The following MTA1 variants were observed in gnomAD, a reference collection of about 807,000 sequenced individuals.
The protein encoded by MTA1 is metastasis-associated protein MTA1.
MTA1 carries 15 observed loss-of-function variants against 97.0 expected under a neutral mutation model. That is an observed-to-expected ratio of 0.15 (90% CI 0.10 to 0.24). MTA1 has a LOEUF of 0.24. Ranked by LOEUF, MTA1 falls within the 10% of genes least tolerant of loss-of-function variation. MTA1 has a pLI of 1.00. For missense variants in MTA1, 709 were observed against 1,015.1 expected (o/e 0.70, Z 4.10); for synonymous variants, 435 against 417.5 (o/e 1.04, Z -0.51).
In MTA1 at chr14:105,458,265, T is replaced by C. The variant is rs1555430296; in HGVS notation, c.551-5T>C. 1.2e-6 allele frequency: 2 copies of C among 1,610,470 alleles called. No individual in the cohort carries two copies. The highest frequency in any genetic ancestry group is 1.7e-6 in the Non-Finnish European group (2 of 1,178,030). On this transcript the variant is annotated splice_polypyrimidine_tract_variant and splice_region_variant and intron_variant, in intron 7 of 20. Coordinates refer to ENST00000331320, the MANE Select transcript of MTA1 (RefSeq NM_004689.4). ...TCTCAGAAAGGCCACACTTCCTCCCTGTAGGCGAGGAGGATGGCCGAGACC... is the reference window on the plus strand; with the variant it reads ...TCTCAGAAAGGCCACACTTCCTCCCCGTAGGCGAGGAGGATGGCCGAGACC...
At chr14:105,454,563 G>T (rs2083070016) in intron 7 of MTA1, 2 of 411,672 alleles carry the variant, frequency 4.9e-6, no homozygotes, top group South Asian at 5.3e-5. Context: ...GTGGTGATCA[G>T]CTGTCCTTGC....
At chr14:105,423,323 G>A (rs1311019524) in intron 1 of MTA1, among the ~76,000 whole-genome samples, 1 of 149,948 alleles carries the variant, frequency 6.7e-6, no homozygotes, top group African/African-American at 2.5e-5. Flanking sequence ...CGGCCCAAGC[G>A]ATTTCCTGCC....
chr14:105,461,223 G>A (rs1360455659), intron 10 of MTA1, among the ~76,000 whole-genome samples: 1 of 152,192 alleles, frequency 6.6e-6, no homozygotes, highest in Non-Finnish European at 1.5e-5. Flanking sequence ...TGAGGATAAG[G>A]GTTGGCCCAG....
At chr14:105,449,994 G>A in intron 4 of MTA1, 64 bp from the exon 5 acceptor site, 1 of 1,605,238 alleles carries the variant, frequency 6.2e-7, no homozygotes, top group Non-Finnish European at 8.5e-7. Context: ...GGGGCTGGTG[G>A]GGTGGGCCTT....
At chr14:105,425,735 TG>T (rs1555422085) in intron 1 of MTA1, among the ~76,000 whole-genome samples, 2 of 149,100 alleles carry the variant, frequency 1.3e-5, no homozygotes, top group African/African-American at 5.0e-5. Context: ...GTGTGCGGAC[TG>T]GGGGATCTTG....
At chr14:105,468,268 C>T in intron 18 of MTA1, 1 of 1,289,628 alleles carries the variant, frequency 7.8e-7, no homozygotes, top group African/African-American at 1.5e-5. Flanking sequence ...GCGGGGCCTG[C>T]AGATGGCTGC....
chr14:105,442,587 AG>A (rs1453739252), intron 2 of MTA1, among the ~76,000 whole-genome samples: 1 of 152,270 alleles, frequency 6.6e-6, no homozygotes, highest in Non-Finnish European at 1.5e-5. Flanking sequence ...AAGGAAGAGA[AG>A]AAAGAATGGC....
chr14:105,429,850 G>A (rs1230919762), intron 1 of MTA1, among the ~76,000 whole-genome samples: 4 of 133,982 alleles, frequency 3.0e-5, no homozygotes, highest in Non-Finnish European at 4.6e-5. Flanking sequence ...TCCAGCTCTC[G>A]GGTTCAAGTG....
At chr14:105,450,838 C>T (rs1439407907) in intron 6 of MTA1, among the ~76,000 whole-genome samples, 1 of 152,200 alleles carries the variant, frequency 6.6e-6, no homozygotes, top group Non-Finnish European at 1.5e-5. Context: ...CCCGACAATG[C>T]CATACATCCC....
Position 105,463,954 on chromosome 14 carries a change from C to A in MTA1, c.1077-78C>A, listed in dbSNP as rs1440412694. ...TGGTTCTGGACAAGGGGTGGTCAGC[C>A]GCGGTGCCTGCTGGGCACATGGGCC... On this transcript the variant is annotated intron_variant, in intron 12 of 20. Coordinates refer to ENST00000331320, the MANE Select transcript of MTA1 (RefSeq NM_004689.4). The surrounding 1 kb of genome is among the most constrained non-coding windows in gnomAD (Gnocchi z 5.9). 7.1e-7 allele frequency: 1 copy of A among 1,406,408 alleles called. No homozygotes were observed. Among genetic ancestry groups the A allele is most frequent in the African/African-American group, 1.4e-5 (1 of 71,120 alleles). The allele number at this position is 1,406,408 out of a possible 1,614,324, so 87.1% of individuals were successfully genotyped here.
intron 1 of MTA1, among the ~76,000 whole-genome samples, chr14:105,437,857 T>A (rs1000840302): frequency 2.0e-5 from 3 of 152,074 alleles, no homozygotes; most frequent in Non-Finnish European, 4.4e-5. Flanking sequence ...AGCATCGGGG[T>A]GTCAGCACCA....
At chr14:105,423,417 A>G (rs1191215685) in intron 1 of MTA1, among the ~76,000 whole-genome samples, 1 of 151,852 alleles carries the variant, frequency 6.6e-6, no homozygotes, top group Non-Finnish European at 1.5e-5. Context: ...GCGTTTCTCC[A>G]TGTTGGTCAG....
At chr14:105,440,901 C>T (rs781922448) in intron 2 of MTA1, among the ~76,000 whole-genome samples, 12 of 152,358 alleles carry the variant, frequency 7.9e-5, no homozygotes, top group South Asian at 4.1e-4. Flanking sequence ...CTGGACTGAA[C>T]GCCCCCTCAA....
Position 105,448,611 on chromosome 14 carries a change from G to A in MTA1, c.191-748G>A, listed in dbSNP as rs143076920. Among the ~76,000 whole-genome samples the A allele has an allele frequency of 3.2e-3, 495 of 152,338 alleles. 5 individuals are homozygous for A. The highest frequency in any genetic ancestry group is 0.011 in the African/African-American group (459 of 41,580). ...TGTTGGCCTGGGATGAGAGGACTGG[G>A]GCTGTCCTGGTCGGCCCTGCCCTGT... On this transcript the variant is annotated intron_variant, in intron 3 of 20. Coordinates refer to ENST00000331320, the MANE Select transcript of MTA1 (RefSeq NM_004689.4).
In MTA1 at chr14:105,450,692, T is replaced by C. The variant is rs1280896831; in HGVS notation, c.432+368T>C. On this transcript the variant is annotated intron_variant, in intron 6 of 20. Coordinates refer to ENST00000331320, the MANE Select transcript of MTA1 (RefSeq NM_004689.4). Reference sequence around the variant, plus strand: ...GGTCTCTCCTGGGCGGTGGGCAGAGTCCTGGTAGGCCCACCTTGGGGGTCA... The same window carrying C: ...GGTCTCTCCTGGGCGGTGGGCAGAGCCCTGGTAGGCCCACCTTGGGGGTCA... Among the ~76,000 whole-genome samples, 30 of 151,682 alleles carry C rather than the reference T, an allele frequency of 2.0e-4. 1 individual carries two copies. Among genetic ancestry groups the C allele is most frequent in the Admixed American group, 2.0e-3 (30 of 15,248 alleles).
intron 3 of MTA1, 161 bp from the exon 4 acceptor site, chr14:105,449,198 A>C: frequency 1.7e-6 from 1 of 597,454 alleles, no homozygotes; most frequent in Non-Finnish European, 2.8e-6. Context: ...CGAGGCCCAG[A>C]TGATCTTCAA....
rs782144632 is a variant in MTA1 at position 105,466,721 on chromosome 14, C to T, written c.1792C>T (p.Arg598Cys). 1.3e-5 allele frequency: 20 copies of T among 1,599,160 alleles called. No individual in the cohort carries two copies. The highest frequency in any genetic ancestry group is 1.6e-5 in the Non-Finnish European group (19 of 1,174,546). Residue 598 changes from arginine to cysteine, a missense_variant, in exon 18 of 21, where the codon CGC becomes TGC. By Grantham distance (180) the Arg-to-Cys change is radical. Coordinates refer to ENST00000331320, the MANE Select transcript of MTA1 (RefSeq NM_004689.4). ...GGCGCTGCCAGGCAACATGAAGAAG[C>T]GCCTCTTGATGCCCAGTAGGGGTAA... ...HNGVDGNMKK[R>C]LLMPSRGLAN... is the part of the protein sequence containing the mutation.
At chr14:105,462,949 C>T (rs2083416448) in intron 10 of MTA1, among the ~76,000 whole-genome samples, 1 of 152,234 alleles carries the variant, frequency 6.6e-6, no homozygotes, top group African/African-American at 2.4e-5. Flanking sequence ...GACCTTGTGC[C>T]AGCTCCTCTT....
At chr14:105,454,145 G>A in intron 6 of MTA1, 48 bp from the exon 7 acceptor site, 1 of 1,468,568 alleles carries the variant, frequency 6.8e-7, no homozygotes, top group Middle Eastern at 1.8e-4. Flanking sequence ...GACCCTCCCA[G>A]CAGCCTGACT....
Sources: allele counts gnomAD v4.1 joint callset (sites outside exome capture counted in the v4.1 genomes callset), GRCh38; gene constraint gnomAD v4.1.1; non-coding constraint Gnocchi (gnomAD v3.1); transcripts MANE v1.5; gene names NCBI Gene and HGNC (gene_info 2026-07-23, HGNC 2026-07-21).